ALK: variants seen among roughly 807,000 people sequenced by gnomAD.
ALK encodes ALK tyrosine kinase receptor.
Under a neutral mutation model 163.1 loss-of-function variants are expected in ALK, and 74 were observed. The ratio of observed to expected loss-of-function variants is 0.45; its 90% CI spans 0.38 to 0.55. The LOEUF (loss-of-function observed/expected upper bound fraction) is 0.55, where lower values mean the gene tolerates loss of function less well. Among genes scored for constraint, ALK ranks in the 20% least tolerant of loss-of-function variants. ALK has a pLI of 0.00. For synonymous variants in ALK, 960 were observed against 843.2 expected (o/e 1.14, Z -2.40); for missense variants, 2,063 against 2,105.3 (o/e 0.98, Z 0.39).
intron 1 of ALK, among the ~76,000 whole-genome samples, chr2:29,752,260 G>A (rs147015471): frequency 1.3e-5 from 2 of 151,914 alleles, no homozygotes; most frequent in East Asian, 1.9e-4. Context: ...TAAGTGTTCC[G>A]AGCACGTTTA....
intron 1 of ALK, among the ~76,000 whole-genome samples, chr2:29,866,108 G>C (rs557369982): frequency 1.4e-3 from 211 of 152,262 alleles, no homozygotes; most frequent in South Asian, 2.7e-3. Context: ...CTCTACAGGG[G>C]AGAGAAAGAC....
chr2:29,727,993 CTTCTGTGCCCCCA>C (rs1415850319), intron 1 of ALK, among the ~76,000 whole-genome samples: 1 of 152,186 alleles, frequency 6.6e-6, no homozygotes, highest in East Asian at 1.9e-4. Context: ...AAAATATGAT[CTTCTGTGCCCCCA>C]TTCTATGCCT....
intron 2 of ALK, among the ~76,000 whole-genome samples, chr2:29,713,587 C>A (rs372374190): frequency 1.3e-5 from 2 of 152,112 alleles, no homozygotes; most frequent in East Asian, 3.9e-4. Context: ...GCATGCTCTC[C>A]AGGCAGGGAA....
chr2:29,580,550 G>T (rs1163563895), intron 3 of ALK, among the ~76,000 whole-genome samples: 1 of 152,200 alleles, frequency 6.6e-6, no homozygotes, highest in African/African-American at 2.4e-5. Context: ...CTGGGTGTCA[G>T]ATTAGAGCCC....
At position 29,865,938 on chromosome 2, in the gene ALK, G is replaced by A. The variant is rs557199844; in HGVS notation, c.667+54055C>T. Reference sequence around the variant, plus strand: ...GTCTCTCTCCCAGACACCAAGGGTCGCTGGGAGCAAGGGTCTCTGGGGATA... The same window carrying A: ...GTCTCTCTCCCAGACACCAAGGGTCACTGGGAGCAAGGGTCTCTGGGGATA... On this transcript the variant is annotated intron_variant, in intron 1 of 28. Coordinates refer to ENST00000389048, the MANE Select transcript of ALK (RefSeq NM_004304.5). Among the ~76,000 whole-genome samples, 10 of 152,240 alleles carry A rather than the reference G, an allele frequency of 6.6e-5. 1 individual carries two copies. In the South Asian group the frequency reaches 1.5e-3, roughly 22 times the overall value.
chr2:29,474,785 G>C (rs1028010957), intron 4 of ALK, among the ~76,000 whole-genome samples: 10 of 151,586 alleles, frequency 6.6e-5, no homozygotes, highest in African/African-American at 2.4e-4. Flanking sequence ...TTTAGTTCAG[G>C]CTGATTTTCT....
chr2:29,486,373 C>T (rs1371519635), intron 4 of ALK, among the ~76,000 whole-genome samples: 1 of 152,090 alleles, frequency 6.6e-6, no homozygotes, highest in African/African-American at 2.4e-5. Flanking sequence ...ACCCCAGAGA[C>T]TGTTTGGTAT....
intron 3 of ALK, 73 bp from the exon 4 acceptor site, chr2:29,532,189 TA>T (rs1232842394): frequency 1.4e-6 from 2 of 1,406,456 alleles, no homozygotes; most frequent in Non-Finnish European, 2.0e-6. Context: ...TGGCAAGACT[TA>T]GAGACAAATG....
At chr2:29,263,000 TTTCTA>T (rs1432921158) in intron 11 of ALK, among the ~76,000 whole-genome samples, 1 of 152,248 alleles carries the variant, frequency 6.6e-6, no homozygotes, top group Non-Finnish European at 1.5e-5. Context: ...AATTTGGTTA[TTTCTA>T]ACTTGGCTTC....
At chr2:29,509,303 A>G (rs1299732766) in intron 4 of ALK, among the ~76,000 whole-genome samples, 1 of 152,202 alleles carries the variant, frequency 6.6e-6, no homozygotes, top group African/African-American at 2.4e-5. Context: ...CCCCTGATAG[A>G]TTAAAAGAAG....
At chr2:29,582,424 T>C (rs1183972919) in intron 3 of ALK, among the ~76,000 whole-genome samples, 1 of 152,164 alleles carries the variant, frequency 6.6e-6, no homozygotes, top group African/African-American at 2.4e-5. Context: ...ATAGGACCAG[T>C]CTGATAATTG....
At chr2:29,706,975 A>ATGTGTGTGTGTGTGTGTGTGTGTG in intron 2 of ALK, among the ~76,000 whole-genome samples, 1 of 102,726 alleles carries the variant, frequency 9.7e-6, no homozygotes, top group Non-Finnish European at 2.0e-5. Flanking sequence ...CTCATGCAGA[A>ATGTGTGTGTGTGTGTGTGTGTGTG]TGTGTGTGTG....
rs543386939 is a variant in ALK at position 29,740,777 on chromosome 2, G to A, written c.668-23080C>T. Among the ~76,000 whole-genome samples, 25 of 152,298 alleles carry A rather than the reference G, an allele frequency of 1.6e-4. 1 individual carries two copies. In the East Asian group the frequency reaches 2.1e-3, roughly 13 times the overall value. On this transcript the variant is annotated intron_variant, in intron 1 of 28. Coordinates refer to ENST00000389048, the MANE Select transcript of ALK (RefSeq NM_004304.5). ...AGCACTTTGGGAGGCCAAGGTGGGC[G>A]GATCACTCAAGGCCAGGAGTTCGAG...
chr2:29,702,121 A>G (rs1678760232), intron 2 of ALK, among the ~76,000 whole-genome samples: 1 of 152,132 alleles, frequency 6.6e-6, no homozygotes, highest in South Asian at 2.1e-4. Flanking sequence ...CTGTGGTGCA[A>G]CAAAATACTA....
intron 2 of ALK, among the ~76,000 whole-genome samples, chr2:29,695,810 A>G (rs878888912): frequency 5.9e-5 from 9 of 152,256 alleles, no homozygotes; most frequent in African/African-American, 1.4e-4. Context: ...CAAAACCACA[A>G]TGAGATACCA....
intron 3 of ALK, among the ~76,000 whole-genome samples, chr2:29,640,190 A>G (rs1251222786): frequency 6.6e-6 from 1 of 152,152 alleles, no homozygotes; most frequent in African/African-American, 2.4e-5. Flanking sequence ...TCAGTAAGTA[A>G]CTATTAAGCA....
Position 29,788,235 on chromosome 2 carries a change from G to A in ALK, c.668-70538C>T, listed in dbSNP as rs1326081990. 2.6e-5 allele frequency among the ~76,000 whole-genome samples: 4 copies of A among 152,298 alleles called. No homozygotes were observed. In the East Asian group the frequency reaches 5.8e-4, roughly 22 times the overall value. ...CGCTGAGTGCTTCGTGAGGTGGGTC[G>A]AGGCCTGGCCACATAGCCACAGCAC... On this transcript the variant is annotated intron_variant, in intron 1 of 28. Transcript: ENST00000389048.
At chr2:29,842,771 G>A (rs1185312697) in intron 1 of ALK, among the ~76,000 whole-genome samples, 1 of 152,196 alleles carries the variant, frequency 6.6e-6, no homozygotes, top group African/African-American at 2.4e-5. Flanking sequence ...CCTAACAACA[G>A]TAGTGTGTAC....
chr2:29,501,740 A>G (rs1672194246), intron 4 of ALK, among the ~76,000 whole-genome samples: 1 of 152,232 alleles, frequency 6.6e-6, no homozygotes, highest in African/African-American at 2.4e-5. Flanking sequence ...TATACAGTTT[A>G]GTGGCATGAA....
Sources: allele counts gnomAD v4.1 joint callset (sites outside exome capture counted in the v4.1 genomes callset), GRCh38; gene constraint gnomAD v4.1.1; transcripts MANE v1.5; gene names NCBI Gene and HGNC (gene_info 2026-07-23, HGNC 2026-07-21).